Variants in ZBTB20 observed in about 807,000 individuals in gnomAD.
ZBTB20 encodes the protein zinc finger and BTB domain-containing protein 20.
In ZBTB20, 9 loss-of-function variants were observed where a neutral mutation model predicts 56.9. That is an observed-to-expected ratio of 0.16 (90% confidence interval 0.10 to 0.28). ZBTB20 has a LOEUF of 0.28. Ranked by LOEUF, ZBTB20 falls within the 10% of genes least tolerant of loss-of-function variation. The pLI, the probability that ZBTB20 is intolerant of heterozygous loss-of-function variation, is 1.00. For synonymous variants in ZBTB20, 417 were observed against 420.7 expected (o/e 0.99, Z 0.11); for missense variants, 655 against 1,003.0 (o/e 0.65, Z 4.69).
intron 6 of ZBTB20, among the ~76,000 whole-genome samples, chr3:114,555,177 T>C (rs2051048015): frequency 6.6e-6 from 1 of 152,170 alleles, no homozygotes; most frequent in Admixed American, 6.6e-5. Context: ...CCTCAATTTC[T>C]TCATCATATA....
At chr3:114,537,600 C>A (rs574993386) in intron 6 of ZBTB20, among the ~76,000 whole-genome samples, 1 of 152,086 alleles carries the variant, frequency 6.6e-6, no homozygotes, top group East Asian at 1.9e-4. Flanking sequence ...GATCTAGAAC[C>A]AAAAATACCA....
intron 3 of ZBTB20, among the ~76,000 whole-genome samples, chr3:114,927,055 T>G (rs2076185117): frequency 1.3e-5 from 2 of 152,116 alleles, no homozygotes; most frequent in African/African-American, 4.8e-5. Flanking sequence ...GGGCCCAAAA[T>G]CACTAAGCTA....
chr3:114,959,808 G>A (rs1327810955), intron 3 of ZBTB20, among the ~76,000 whole-genome samples: 6 of 151,564 alleles, frequency 4.0e-5, no homozygotes, highest in Non-Finnish European at 8.8e-5. Flanking sequence ...AGAGAGTCTA[G>A]ATTTAAAACA....
chr3:114,909,791 C>T (rs1310423462), intron 3 of ZBTB20, among the ~76,000 whole-genome samples: 2 of 151,848 alleles, frequency 1.3e-5, no homozygotes, highest in African/African-American at 4.8e-5. Context: ...AAAACTCATG[C>T]AATGCAGCTA....
chr3:114,964,341 G>A (rs1020695773), intron 3 of ZBTB20, among the ~76,000 whole-genome samples: 19 of 152,204 alleles, frequency 1.2e-4, no homozygotes, highest in Non-Finnish European at 2.2e-4. Context: ...CTTGAATCCG[G>A]GAGGCAGAAG....
chr3:114,617,284 A>G (rs1216113028), intron 6 of ZBTB20, among the ~76,000 whole-genome samples: 1 of 152,208 alleles, frequency 6.6e-6, no homozygotes, highest in Non-Finnish European at 1.5e-5. Context: ...CATAAGTGAT[A>G]GTGTTCCCCA....
chr3:114,533,070 G>A (rs1244399810), intron 6 of ZBTB20, among the ~76,000 whole-genome samples: 5 of 151,998 alleles, frequency 3.3e-5, no homozygotes, highest in East Asian at 1.9e-4. Flanking sequence ...CCAAAAACCC[G>A]AATGTCGTTT....
rs2067731255 is a variant in ZBTB20, at chr3:114,753,366, A to ATG, written c.-343+47734_-343+47735insCA. ...TATATGTATACATTATATATAATGT[A>ATG]TATATAATGTATATACACATACATG... On this transcript the variant is annotated intron_variant, in intron 5 of 11. Transcript: ENST00000675478. 5.2e-5 allele frequency among the ~76,000 whole-genome samples: 4 copies of ATG among 76,294 alleles called. 2 individuals carry two copies. Among genetic ancestry groups the ATG allele is most frequent in the African/African-American group, 8.1e-5 (2 of 24,844 alleles). 50.1% of individuals were successfully genotyped at this position (76,294 alleles called of 152,430 possible).
chr3:114,361,276 C>T (rs1315888272), intron 10 of ZBTB20, among the ~76,000 whole-genome samples: 4 of 152,132 alleles, frequency 2.6e-5, no homozygotes, highest in South Asian at 2.1e-4. Flanking sequence ...CTGAATTTTC[C>T]GCAGTTCTGA....
intron 2 of ZBTB20, among the ~76,000 whole-genome samples, chr3:115,039,320 A>G (rs2081051922): frequency 6.6e-6 from 1 of 152,098 alleles, no homozygotes; most frequent in African/African-American, 2.4e-5. Flanking sequence ...CTATGCGATT[A>G]GGAAAACAAT....
Position 114,323,234 on chromosome 3 carries a change from C to T in ZBTB20, c.*15771G>A, listed in dbSNP as rs953636354. The T allele has an allele frequency of 7.9e-5, 12 of 152,160 alleles. No individual in the cohort carries two copies. Among genetic ancestry groups the T allele is most frequent in the Non-Finnish European group, 1.3e-4 (9 of 68,022 alleles). The allele number at this position is 152,160 out of a possible 1,614,324, so 9.4% of individuals were successfully genotyped here. A position where few individuals can be genotyped will look rare whatever the true frequency, so the allele number is the denominator to read the frequency against. On this transcript the variant is annotated 3_prime_UTR_variant, in exon 12 of 12. Transcript: ENST00000675478. ...CCAATTTCAAAACTAAACTTTTAGG[C>T]ACTATTAAGGTCTTCTGCTTAGTAA...
At chr3:114,703,021 AGT>A (rs553660945) in intron 5 of ZBTB20, among the ~76,000 whole-genome samples, 2 of 151,622 alleles carry the variant, frequency 1.3e-5, no homozygotes, top group East Asian at 1.9e-4. Flanking sequence ...TGTTAGAGAG[AGT>A]GTGTGTGTGA....
intron 6 of ZBTB20, among the ~76,000 whole-genome samples, chr3:114,562,841 A>G (rs1218316915): frequency 6.6e-6 from 1 of 152,230 alleles, no homozygotes; most frequent in East Asian, 1.9e-4. Flanking sequence ...CAGAACATAT[A>G]AAACATTTAT....
chr3:115,078,796 G>A (rs566968770), intron 1 of ZBTB20, among the ~76,000 whole-genome samples: 51 of 151,900 alleles, frequency 3.4e-4, no homozygotes, highest in Middle Eastern at 3.4e-3. Flanking sequence ...GGTCTTTTAT[G>A]TTAATCATCT....
chr3:114,357,727 A>G (rs2081398862), intron 10 of ZBTB20, among the ~76,000 whole-genome samples: 1 of 152,180 alleles, frequency 6.6e-6, no homozygotes, highest in Non-Finnish European at 1.5e-5. Context: ...ACTTGTAACT[A>G]CTTTCCATAA....
At chr3:114,889,954 T>C (rs1156446446) in intron 4 of ZBTB20, among the ~76,000 whole-genome samples, 2 of 152,194 alleles carry the variant, frequency 1.3e-5, no homozygotes, top group Non-Finnish European at 2.9e-5. Context: ...GAGATGTTTT[T>C]AATTTTAAAG....
At chr3:114,678,184 C>T (rs2108226638) in intron 6 of ZBTB20, among the ~76,000 whole-genome samples, 1 of 152,180 alleles carries the variant, frequency 6.6e-6, no homozygotes, top group Middle Eastern at 3.4e-3. Flanking sequence ...TTCCTCTTCA[C>T]ATTTGGATTC....
Position 114,446,277 on chromosome 3 carries a change from T to C in ZBTB20, c.-255+54075A>G, listed in dbSNP as rs531993786. ...TTCAGACTGAGAATGGATTACAGAT[T>C]GTTCTCTCCTGGTTATTTTTGGCTT... On this transcript the variant is annotated intron_variant, in intron 7 of 11. Transcript: ENST00000675478. Among the ~76,000 whole-genome samples the C allele has an allele frequency of 7.0e-4, 106 of 152,168 alleles. 1 individual carries two copies. Among genetic ancestry groups the C allele is most frequent in the Admixed American group, 1.1e-3 (17 of 15,262 alleles).
At position 114,318,636 on chromosome 3, in the gene ZBTB20, A is replaced by C. The variant is rs1252869947; in HGVS notation, c.*20369T>G. 1.3e-5 allele frequency: 2 copies of C among 152,196 alleles called. No homozygotes were observed. Among genetic ancestry groups the C allele is most frequent in the African/African-American group, 2.4e-5 (1 of 41,444 alleles). The allele number at this position is 152,196 out of a possible 1,614,324, so 9.4% of individuals were successfully genotyped here. On this transcript the variant is annotated 3_prime_UTR_variant, in exon 12 of 12. Transcript: ENST00000675478. ...TCAGGTTGGCCCCCAGTCCCTAAGA[A>C]GGCAATGATTTGAGATAGAGAGGCA... is the stretch of plus-strand genomic sequence containing the variant.
Sources: allele counts gnomAD v4.1 joint callset (sites outside exome capture counted in the v4.1 genomes callset), GRCh38; gene constraint gnomAD v4.1.1; transcripts MANE v1.5; gene names NCBI Gene and HGNC (gene_info 2026-07-23, HGNC 2026-07-21).